CDH18: variants seen among roughly 807,000 people sequenced by gnomAD.
The protein encoded by CDH18 is cadherin 18, also known as cadherin-18.
A neutral mutation model predicts 67.9 loss-of-function variants in CDH18; 31 were observed. The ratio of observed to expected loss-of-function variants is 0.46; its 90% confidence interval spans 0.34 to 0.62. CDH18 has a LOEUF of 0.62. Ranked by LOEUF, CDH18 falls within the 20% of genes least tolerant of loss-of-function variation. The pLI, the probability that CDH18 is intolerant of heterozygous loss-of-function variation, is 0.01. For missense variants in CDH18, 890 were observed against 975.5 expected (o/e 0.91, Z 1.17); for synonymous variants, 362 against 347.2 (o/e 1.04, Z -0.48).
intron 2 of CDH18, among the ~76,000 whole-genome samples, chr5:20,162,262 T>A (rs923445624): frequency 3.3e-5 from 5 of 152,028 alleles, no homozygotes; most frequent in African/African-American, 1.2e-4. Context: ...GATTCCTTGT[T>A]TTCTTGCCAG....
intron 5 of CDH18, among the ~76,000 whole-genome samples, chr5:19,637,716 C>T (rs537594660): frequency 5.9e-5 from 9 of 152,266 alleles, no homozygotes; most frequent in African/African-American, 2.2e-4. Flanking sequence ...TAGCAAGAAA[C>T]TTCACCTTCT....
intron 9 of CDH18, 109 bp from the exon 10 acceptor site, chr5:19,520,887 G>A (rs1219768068): frequency 1.6e-6 from 2 of 1,218,062 alleles, no homozygotes; most frequent in Non-Finnish European, 2.3e-6. Flanking sequence ...ATATGCCATA[G>A]CTGGACTTTT....
chr5:19,791,888 A>G (rs996645674), intron 3 of CDH18, among the ~76,000 whole-genome samples: 1 of 152,188 alleles, frequency 6.6e-6, no homozygotes, highest in Non-Finnish European at 1.5e-5. Context: ...ACATTTTTCC[A>G]CCTTTCCATA....
At chr5:20,318,037 T>G (rs1477435037) in intron 1 of CDH18, among the ~76,000 whole-genome samples, 1 of 152,146 alleles carries the variant, frequency 6.6e-6, no homozygotes, top group African/African-American at 2.4e-5. Context: ...AACTATATAG[T>G]TTTTGCTCCA....
At chr5:19,989,557 C>G (rs1270171616), upstream of CDH18, among the ~76,000 whole-genome samples, 1 of 152,258 alleles carries the variant, frequency 6.6e-6, no homozygotes, top group Admixed American at 6.5e-5. Context: ...AAATCTGTAT[C>G]CTTGTACAAA....
At chr5:20,341,559 T>TATA in intron 1 of CDH18, among the ~76,000 whole-genome samples, 2 of 133,012 alleles carry the variant, frequency 1.5e-5, no homozygotes, top group East Asian at 4.8e-4. Flanking sequence ...ATATATATAT[T>TATA]TATGCAAACA....
intron 1 of CDH18, among the ~76,000 whole-genome samples, chr5:20,417,939 C>A (rs1747460049): frequency 6.6e-6 from 1 of 152,060 alleles, no homozygotes; most frequent in South Asian, 2.1e-4. Flanking sequence ...GCACTTTTCA[C>A]GTATGAAAAT....
At chr5:19,901,145 G>A (rs11958767) in intron 2 of CDH18, among the ~76,000 whole-genome samples, 1 of 151,914 alleles carries the variant, frequency 6.6e-6, no homozygotes, top group Admixed American at 6.6e-5. Context: ...AGTGGAGACA[G>A]TTTTGGGAAT....
chr5:19,829,440 C>A (rs1780782951), intron 3 of CDH18, among the ~76,000 whole-genome samples: 1 of 152,140 alleles, frequency 6.6e-6, no homozygotes, highest in Non-Finnish European at 1.5e-5. Flanking sequence ...AGAGCCAAAA[C>A]AATAATGCAA....
Position 20,452,058 on chromosome 5 carries a change from A to T in CDH18, c.-580+123404T>A, listed in dbSNP as rs1371672794. On this transcript the variant is annotated intron_variant, in intron 1 of 14. Transcript: ENST00000507958. ...TGCAGTGCTTTTAAAGACACAGATA[A>T]TAAGCATAAAGTGCTAACATTTGCT... is the stretch of plus-strand genomic sequence containing the variant. Among the ~76,000 whole-genome samples, 6 of 152,342 alleles carry T rather than the reference A, an allele frequency of 3.9e-5. No homozygotes were observed. In the East Asian group the frequency reaches 9.6e-4, roughly 24 times the overall value.
At chr5:19,705,201 G>A (rs1763797365) in intron 5 of CDH18, among the ~76,000 whole-genome samples, 1 of 152,116 alleles carries the variant, frequency 6.6e-6, no homozygotes, top group Non-Finnish European at 1.5e-5. Context: ...TTACTCCAAC[G>A]TTATGATCAC....
chr5:19,846,102 T>C (rs1782913866), intron 2 of CDH18, among the ~76,000 whole-genome samples: 1 of 152,054 alleles, frequency 6.6e-6, no homozygotes, highest in Non-Finnish European at 1.5e-5. Context: ...TCTTGCTACC[T>C]TGCTTTGTGT....
Position 19,619,766 on chromosome 5 carries a change from C to T in CDH18, c.644-7165G>A, listed in dbSNP as rs925225832. On this transcript the variant is annotated intron_variant, in intron 5 of 12. Transcript: ENST00000382275. ...CCCTATTTGTCAGTCACTGTTACGG[C>T]TGCGGTTTAGCCAGGGTATGGTTGT... is the stretch of plus-strand genomic sequence containing the variant. Among the ~76,000 whole-genome samples the T allele has an allele frequency of 5.9e-5, 9 of 152,290 alleles. No homozygotes were observed. The South Asian group carries it at 1.9e-3, about 32-fold the overall frequency.
chr5:19,824,671 C>T (rs545442903), intron 3 of CDH18, among the ~76,000 whole-genome samples: 1 of 152,310 alleles, frequency 6.6e-6, no homozygotes, highest in East Asian at 1.9e-4. Flanking sequence ...CTTCACTCCT[C>T]CTAGCTGGAT....
intron 2 of CDH18, among the ~76,000 whole-genome samples, chr5:20,196,107 A>C (rs1016181313): frequency 1.3e-5 from 2 of 152,188 alleles, no homozygotes; most frequent in African/African-American, 4.8e-5. Flanking sequence ...GTTTGCATAC[A>C]AAGTGAGAGA....
intron 2 of CDH18, among the ~76,000 whole-genome samples, chr5:20,185,440 C>T (rs1390780720): frequency 6.6e-6 from 1 of 152,056 alleles, no homozygotes; most frequent in African/African-American, 2.4e-5. Context: ...CTGCCCATGT[C>T]ACTCAGAATA....
intron 1 of CDH18, among the ~76,000 whole-genome samples, chr5:19,987,253 AACACACACACACAC>A (rs10654722): frequency 1.4e-5 from 2 of 144,438 alleles, no homozygotes; most frequent in African/African-American, 5.1e-5. Context: ...CTGTACAGAC[AACACACACACACAC>A]ACACACACAC....
chr5:20,439,951 CTCTA>C (rs1158567126), intron 1 of CDH18, among the ~76,000 whole-genome samples: 1 of 151,660 alleles, frequency 6.6e-6, no homozygotes, highest in Admixed American at 6.6e-5. Context: ...TTCAAAGATA[CTCTA>C]TCTATTAGTA....
At chr5:19,573,913 T>C (rs1741875030) in intron 7 of CDH18, among the ~76,000 whole-genome samples, 1 of 152,214 alleles carries the variant, frequency 6.6e-6, no homozygotes, top group Non-Finnish European at 1.5e-5. Context: ...CTTGATGATG[T>C]CTAAGGTTCT....
Sources: allele counts gnomAD v4.1 joint callset (sites outside exome capture counted in the v4.1 genomes callset), GRCh38; gene constraint gnomAD v4.1.1; transcripts MANE v1.5; gene names NCBI Gene and HGNC (gene_info 2026-07-23, HGNC 2026-07-21).